NAE1: variants seen among roughly 807,000 people sequenced by gnomAD.
NAE1 encodes the protein NEDD8 activating enzyme E1 subunit 1.
NAE1 carries 59 observed loss-of-function variants against 88.0 expected under a neutral mutation model. That is an observed-to-expected ratio of 0.67 (90% CI 0.54 to 0.83). The LOEUF (loss-of-function observed/expected upper bound fraction) is 0.83. NAE1 is among the 40% of genes least tolerant of loss of function. The pLI, the probability that NAE1 is intolerant of heterozygous loss-of-function variation, is 0.00. For synonymous variants in NAE1, 186 were observed against 208.9 expected (o/e 0.89, Z 0.95); for missense variants, 554 against 632.8 (o/e 0.88, Z 1.34).
At chr16:66,821,674 C>T (rs1960267812) in intron 6 of NAE1, 115 bp from the exon 7 acceptor site, 1 of 841,914 alleles carries the variant, frequency 1.2e-6, no homozygotes, top group African/African-American at 1.7e-5. Context: ...ATAATAGATG[C>T]AAAGGTACAT....
In NAE1 at chr16:66,805,781, C is replaced by T. The variant is rs761746173; in HGVS notation, c.1491G>A (p.Leu497=). The change falls in exon 19 of 20, where the codon TTG becomes TTA. Residue 497 remains leucine (L), a synonymous_variant. Transcript: ENST00000290810. ...CTTCTCATATATGGAACTCACCCCCCAAGAATGCAGCAATGGTATGTGGCT... is the reference window on the plus strand; with the variant it reads ...CTTCTCATATATGGAACTCACCCCCTAAGAATGCAGCAATGGTATGTGGCT... The part of the protein sequence containing the change: ...AAEPHTIAAF[L]GGAAAQEVIK... 1 of 1,493,430 alleles carries T rather than the reference C, an allele frequency of 6.7e-7. No homozygotes were observed. The highest frequency in any genetic ancestry group is 8.9e-7 in the Non-Finnish European group (1 of 1,126,308). The allele number at this position is 1,493,430 out of a possible 1,614,324, so 92.5% of individuals were successfully genotyped here. A position where few individuals can be genotyped will look rare whatever the true frequency, so the allele number is the denominator to read the frequency against.
intron 13 of NAE1, 108 bp downstream of exon 13, chr16:66,813,456 C>A: frequency 7.6e-7 from 1 of 1,317,940 alleles, no homozygotes; most frequent in Non-Finnish European, 1.0e-6. Context: ...TATTTATAAG[C>A]AATGAGGTTG....
chr16:66,823,130 A>G, intron 6 of NAE1, 97 bp downstream of exon 6: 1 of 676,450 alleles, frequency 1.5e-6, no homozygotes, highest in Non-Finnish European at 2.2e-6. Context: ...AGAATTTAAC[A>G]ATTTTTAAAA....
Position 66,826,739 on chromosome 16 carries a change from T to G in NAE1, c.95A>C (p.His32Pro). ...GGCTGTTGCATTTATTAGGCAAACA[T>G]GAGCAGATTCTAAAGCCTCTTGCCC... is the stretch of plus-strand genomic sequence containing the variant. Reference protein sequence around the residue: ...DHGQEALESAHVCLINATATG... With the variant: ...DHGQEALESAPVCLINATATG... The change falls in exon 2 of 20, where the codon CAT (histidine) becomes CCT (proline). Residue 32 changes from histidine (H) to proline (P), a missense_variant. His to Pro is a moderately conservative substitution (Grantham distance 77). Transcript: ENST00000290810. 6.2e-7 allele frequency: 1 copy of G among 1,614,114 alleles called. No individual in the cohort carries two copies. Among genetic ancestry groups the G allele is most frequent in the Non-Finnish European group, 8.5e-7 (1 of 1,179,994 alleles).
At chr16:66,804,894 T>C (rs1959502094) in intron 19 of NAE1, among the ~76,000 whole-genome samples, 1 of 152,088 alleles carries the variant, frequency 6.6e-6, no homozygotes, top group Admixed American at 6.6e-5. Flanking sequence ...CTGACCATGC[T>C]GGCACCCTGA....
chr16:66,816,537 A>AAT (rs749950514), intron 11 of NAE1, 44 bp downstream of exon 11: 1 of 1,360,112 alleles, frequency 7.4e-7, no homozygotes, highest in South Asian at 1.2e-5. Context: ...AGGACTCTAG[A>AAT]AAACATCTTG....
intron 7 of NAE1, among the ~76,000 whole-genome samples, chr16:66,820,175 T>C (rs779817928): frequency 1.3e-5 from 2 of 152,222 alleles, no homozygotes; most frequent in Non-Finnish European, 2.9e-5. Flanking sequence ...ATGCTACCAA[T>C]GCCAATGGCT....
At chr16:66,827,943 C>G in intron 1 of NAE1, 1 of 1,555,364 alleles carries the variant, frequency 6.4e-7, no homozygotes, top group East Asian at 2.2e-5. Flanking sequence ...GCCTCAGCCT[C>G]TAGAGTTGCT....
intron 8 of NAE1, 46 bp downstream of exon 8, chr16:66,818,482 A>G: frequency 6.9e-7 from 1 of 1,459,822 alleles, no homozygotes; most frequent in African/African-American, 1.4e-5. Context: ...GGTTAAAAAA[A>G]TGTTTTAAGT....
At chr16:66,828,280 C>T (rs1158383637) in intron 1 of NAE1, 2 of 423,356 alleles carry the variant, frequency 4.7e-6, no homozygotes, top group African/African-American at 4.0e-5. Context: ...CACCTGAGGT[C>T]AGGAGTTTGA....
chr16:66,810,764 T>G lies in NAE1; in HGVS notation c.1043A>C (p.Glu348Ala). ...AGCGGCAGCATCTTTCTTTGCTTTT[T>G]CACGGTAACTAAAAAAGAATAAAAA... is the stretch of plus-strand genomic sequence containing the variant. ...KYIKLQNVYR[E>A]KAKKDAAAVG... The change falls in exon 14 of 20, where the codon GAA becomes GCA. Residue 348 changes from glutamate to alanine, a missense_variant. Physicochemically the swap from Glu to Ala is moderately radical, Grantham distance 107. Coordinates refer to ENST00000290810, the MANE Select transcript of NAE1 (RefSeq NM_003905.4). 6.2e-7 allele frequency: 1 copy of G among 1,613,962 alleles called. No homozygotes were observed. The highest frequency in any genetic ancestry group is 8.5e-7 in the Non-Finnish European group (1 of 1,179,978).
intron 1 of NAE1, among the ~76,000 whole-genome samples, chr16:66,829,891 T>G (rs567426452): frequency 6.6e-6 from 1 of 152,198 alleles, no homozygotes; most frequent in Non-Finnish European, 1.5e-5. Flanking sequence ...ACGATAGTTT[T>G]GGGGGGGCTT....
In NAE1 at chr16:66,826,671, C is replaced by T. The variant is rs747961108; in HGVS notation, c.157+6G>A. ...TATTTAGAACACAACCACAAACCTA[C>T]GTTACCTGGTAGTACCAAGTTTTTA... On this transcript the variant is annotated splice_donor_region_variant and intron_variant, in intron 2 of 19. Coordinates refer to ENST00000290810, the MANE Select transcript of NAE1 (RefSeq NM_003905.4). The T allele has an allele frequency of 1.6e-5, 26 of 1,613,822 alleles. No individual in the cohort carries two copies. The East Asian group carries it at 4.7e-4, about 29-fold the overall frequency.
At chr16:66,816,745 C>A (rs1960058002) in intron 10 of NAE1, 73 bp from the exon 11 acceptor site, 2 of 1,328,168 alleles carry the variant, frequency 1.5e-6, no homozygotes, top group Non-Finnish European at 2.1e-6. Flanking sequence ...ATAAAAATAA[C>A]CTTGTCAGAT....
chr16:66,830,348 T>C (rs551503044), intron 1 of NAE1, among the ~76,000 whole-genome samples: 15 of 152,400 alleles, frequency 9.8e-5, no homozygotes, highest in Admixed American at 9.1e-4. Context: ...TTTGGACATA[T>C]TGGGTTAAAT....
intron 8 of NAE1, among the ~76,000 whole-genome samples, chr16:66,818,222 A>AT (rs968505373): frequency 2.2e-3 from 333 of 151,266 alleles, no homozygotes; most frequent in African/African-American, 6.3e-3. Context: ...ATTCTTTCTA[A>AT]TTTTTTTTTG....
intron 19 of NAE1, among the ~76,000 whole-genome samples, chr16:66,805,092 CA>C (rs1470371433): frequency 7.2e-5 from 11 of 152,092 alleles, no homozygotes; most frequent in African/African-American, 2.2e-4. Context: ...AGGTTTTGGA[CA>C]TGCAGAAAAA....
intron 16 of NAE1, 28 bp downstream of exon 16, chr16:66,808,961 C>T (rs758761968): frequency 1.4e-6 from 2 of 1,436,102 alleles, no homozygotes; most frequent in African/African-American, 1.4e-5. Flanking sequence ...TTAAAATTAA[C>T]CCAGAATCAG....
At chr16:66,816,524 C>A (rs1248695763) in intron 11 of NAE1, 57 bp downstream of exon 11, 10 of 1,212,232 alleles carry the variant, frequency 8.2e-6, no homozygotes, top group Non-Finnish European at 2.4e-6. Flanking sequence ...CATTTAATAG[C>A]CAAGGACTCT....
Sources: allele counts gnomAD v4.1 joint callset (sites outside exome capture counted in the v4.1 genomes callset), GRCh38; gene constraint gnomAD v4.1.1; transcripts MANE v1.5; gene names NCBI Gene and HGNC (gene_info 2026-07-23, HGNC 2026-07-21).